The following CTNNA3 variants were observed in gnomAD, a reference collection of about 807,000 sequenced individuals.
CTNNA3 encodes catenin alpha-3.
Under a neutral mutation model 95.7 loss-of-function variants are expected in CTNNA3, and 76 were observed. The observed-to-expected ratio is 0.79, with a 90% CI of 0.66 to 0.96. The LOEUF is 0.96. Ranked by LOEUF, CTNNA3 falls within the 40% of genes least tolerant of loss-of-function variation. The pLI is 0.00. For synonymous variants in CTNNA3, 431 were observed against 374.4 expected (o/e 1.15, Z -1.74); for missense variants, 1,191 against 1,089.8 (o/e 1.09, Z -1.31).
intron 9 of CTNNA3, among the ~76,000 whole-genome samples, chr10:66,722,825 G>A (rs1010236107): frequency 6.6e-5 from 10 of 152,034 alleles, no homozygotes; most frequent in African/African-American, 1.9e-4. Flanking sequence ...GGGTTGTGGC[G>A]GGGGTGGGCG....
chr10:67,557,128 A>G (rs1589422106), intron 3 of CTNNA3, among the ~76,000 whole-genome samples: 1 of 152,168 alleles, frequency 6.6e-6, no homozygotes, highest in East Asian at 1.9e-4. Context: ...TCTTAAAGTA[A>G]CAGAATGGAT....
chr10:66,648,297 G>A (rs1257307264), intron 9 of CTNNA3, among the ~76,000 whole-genome samples: 5 of 152,146 alleles, frequency 3.3e-5, no homozygotes, highest in Non-Finnish European at 7.3e-5. Flanking sequence ...CATCAAAAGG[G>A]CATTAGGAAA....
chr10:66,840,323 ATCTCTCTCTCTCTCTCTCTCTCTCTCTC>A (rs71035189), intron 7 of CTNNA3, among the ~76,000 whole-genome samples: 2 of 90,638 alleles, frequency 2.2e-5, no homozygotes, highest in South Asian at 1.2e-3. Context: ...CCAAGAAGCC[ATCTCTCTCTCTCTCTCTCTCTCTCTCTC>A]TCTCTCTCTC....
intron 7 of CTNNA3, among the ~76,000 whole-genome samples, chr10:66,887,997 T>C (rs1845108632): frequency 6.6e-6 from 1 of 152,092 alleles, no homozygotes; most frequent in Admixed American, 6.5e-5. Context: ...ATGTGACTAA[T>C]GGTATAGACA....
At chr10:66,210,260 T>C (rs930353711) in intron 13 of CTNNA3, among the ~76,000 whole-genome samples, 4 of 151,032 alleles carry the variant, frequency 2.6e-5, no homozygotes, top group African/African-American at 9.8e-5. Context: ...AACACACAGC[T>C]GATATGGGGA....
intron 7 of CTNNA3, among the ~76,000 whole-genome samples, chr10:66,942,194 C>T (rs1848033640): frequency 6.6e-6 from 1 of 152,166 alleles, no homozygotes; most frequent in African/African-American, 2.4e-5. Context: ...GATATTTTCA[C>T]AATGCAGCAA....
At chr10:67,662,519 G>A (rs763749315) in intron 1 of CTNNA3, among the ~76,000 whole-genome samples, 1 of 152,206 alleles carries the variant, frequency 6.6e-6, no homozygotes, top group South Asian at 2.1e-4. Context: ...CACATGTTAT[G>A]CAAGAAGAAA....
chr10:67,461,023 A>G (rs927455549), intron 5 of CTNNA3, among the ~76,000 whole-genome samples: 3 of 152,168 alleles, frequency 2.0e-5, no homozygotes, highest in Non-Finnish European at 4.4e-5. Flanking sequence ...AAACATGCTG[A>G]ATTTACAGAA....
chr10:67,003,888 G>A (rs1029865808), intron 7 of CTNNA3, among the ~76,000 whole-genome samples: 3 of 152,154 alleles, frequency 2.0e-5, no homozygotes, highest in African/African-American at 7.2e-5. Flanking sequence ...GCATAAAACG[G>A]AAGAGAATAA....
At chr10:66,099,092 CTG>C (rs2081512092) in intron 14 of CTNNA3, among the ~76,000 whole-genome samples, 2 of 152,098 alleles carry the variant, frequency 1.3e-5, no homozygotes, top group Admixed American at 6.6e-5. Flanking sequence ...TAAACAGTGC[CTG>C]GTTCTAGCGC....
In CTNNA3 at chr10:66,803,336, C is replaced by T. The variant is rs73314882; in HGVS notation, c.1048-27812G>A. Reference sequence around the variant, plus strand: ...ATGAATTCTGTTTGCTTGGAATGTCCTTTTCCTCTTTCTCCACCTACACAA... The same window carrying T: ...ATGAATTCTGTTTGCTTGGAATGTCTTTTTCCTCTTTCTCCACCTACACAA... On this transcript the variant is annotated intron_variant, in intron 7 of 17. Transcript: ENST00000433211. Among the ~76,000 whole-genome samples the T allele has an allele frequency of 8.4e-3, 1,278 of 151,986 alleles. 18 individuals carry two copies. Among genetic ancestry groups the T allele is most frequent in the African/African-American group, 0.029 (1,201 of 41,478 alleles).
chr10:66,862,568 C>T (rs971442484), intron 7 of CTNNA3, among the ~76,000 whole-genome samples: 1 of 151,886 alleles, frequency 6.6e-6, no homozygotes, highest in Non-Finnish European at 1.5e-5. Context: ...GAAGACTATT[C>T]TAGAGAGAGA....
chr10:66,144,766 G>A (rs2083795253), intron 13 of CTNNA3, among the ~76,000 whole-genome samples: 8 of 152,188 alleles, frequency 5.3e-5, no homozygotes, highest in Admixed American at 5.2e-4. Flanking sequence ...GGGATTACAG[G>A]CGTGAGCCAT....
At chr10:67,378,755 G>C (rs1171462395) in intron 5 of CTNNA3, among the ~76,000 whole-genome samples, 8 of 152,216 alleles carry the variant, frequency 5.3e-5, no homozygotes, top group African/African-American at 1.7e-4. Context: ...TGGCTGAATA[G>C]TGTTAATGGA....
At chr10:66,673,405 A>G (rs1265864399) in intron 9 of CTNNA3, among the ~76,000 whole-genome samples, 1 of 152,146 alleles carries the variant, frequency 6.6e-6, no homozygotes, top group Non-Finnish European at 1.5e-5. Flanking sequence ...AAGTGTTGCT[A>G]AATTGTAAGT....
At chr10:65,971,434 C>A (rs1331907909) in intron 16 of CTNNA3, among the ~76,000 whole-genome samples, 21 of 125,110 alleles carry the variant, frequency 1.7e-4, no homozygotes, top group African/African-American at 1.5e-4. Context: ...GCTAGATTAA[C>A]AAAGAAAAAA....
In CTNNA3 at chr10:66,820,489, C is replaced by T. The variant is rs183683554; in HGVS notation, c.1048-44965G>A. Among the ~76,000 whole-genome samples the T allele has an allele frequency of 1.5e-3, 223 of 151,952 alleles. 1 individual carries two copies. The highest frequency in any genetic ancestry group is 5.1e-3 in the African/African-American group (213 of 41,462). ...GATGAATTTTATGGTATATGAATTA[C>T]AGCTCAAGTAAAAATAAATGACAAG... On this transcript the variant is annotated intron_variant, in intron 7 of 17. Transcript: ENST00000433211.
chr10:66,542,280 C>T (rs1000860334), intron 10 of CTNNA3, among the ~76,000 whole-genome samples: 7 of 152,046 alleles, frequency 4.6e-5, no homozygotes, highest in African/African-American at 1.7e-4. Flanking sequence ...AACACTTTTA[C>T]ACTGTTGGTG....
chr10:67,307,243 C>T (rs1298217717), intron 5 of CTNNA3, among the ~76,000 whole-genome samples: 1 of 152,136 alleles, frequency 6.6e-6, no homozygotes, highest in Non-Finnish European at 1.5e-5. Context: ...GATTCTATTG[C>T]TACATTTTCG....
Sources: allele counts gnomAD v4.1 joint callset (sites outside exome capture counted in the v4.1 genomes callset), GRCh38; gene constraint gnomAD v4.1.1; transcripts MANE v1.5; gene names NCBI Gene and HGNC (gene_info 2026-07-23, HGNC 2026-07-21).